Variants in LRP4 observed in about 807,000 individuals in gnomAD.
LRP4 encodes LDL receptor related protein 4, also known as low-density lipoprotein receptor-related protein 4.
A neutral mutation model predicts 220.3 loss-of-function variants in LRP4; 95 were observed. That is an observed-to-expected ratio of 0.43 (90% CI 0.37 to 0.51). LRP4 has a LOEUF of 0.51. Among genes scored for constraint, LRP4 ranks in the 20% least tolerant of loss-of-function variants. LRP4 has a pLI of 0.00. For synonymous variants in LRP4, 903 were observed against 954.6 expected (o/e 0.95, Z 1.00); for missense variants, 1,925 against 2,567.0 (o/e 0.75, Z 5.40).
intron 1 of LRP4, among the ~76,000 whole-genome samples, chr11:46,908,568 G>C (rs1337599935): frequency 6.6e-6 from 1 of 152,178 alleles, no homozygotes; most frequent in Non-Finnish European, 1.5e-5. Context: ...ACTGTTGTGA[G>C]AATCTCCAAA....
Position 46,877,000 on chromosome 11 carries a change from C to T in LRP4, c.3278-170G>A, listed in dbSNP as rs780904871. On this transcript the variant is annotated intron_variant, in intron 23 of 37. Transcript: ENST00000378623. ...ATAGCAGGATAGCTCTTGGCAGAGA[C>T]GGAGAGAAGAGGGCCCCAAACCATG... Among the ~76,000 whole-genome samples, 6 of 152,166 alleles carry T rather than the reference C, an allele frequency of 3.9e-5. No individual in the cohort carries two copies. The South Asian group carries it at 1.2e-3, about 32-fold the overall frequency.
At chr11:46,866,678 G>T (rs1184514826) in intron 34 of LRP4, among the ~76,000 whole-genome samples, 2 of 152,140 alleles carry the variant, frequency 1.3e-5, no homozygotes, top group Non-Finnish European at 2.9e-5. Context: ...CAGCACTTTG[G>T]GATGCCTAGG....
Position 46,886,432 on chromosome 11 carries a change from G to T in LRP4, c.2317C>A (p.Arg773Ser). The T allele has an allele frequency of 6.2e-7, 1 of 1,613,898 alleles. No individual in the cohort carries two copies. The highest frequency in any genetic ancestry group is 8.5e-7 in the Non-Finnish European group (1 of 1,179,908). Residue 773 changes from arginine to serine, a missense_variant, in exon 17 of 38, where the codon CGC becomes AGC. Coordinates refer to ENST00000378623, the MANE Select transcript of LRP4 (RefSeq NM_002334.4). ...SDDVIPLADV[R>S]SAVALDWDSR... ...TCCCAGTCAAGGGCCACAGCACTGC[G>T]CACGTCAGCCAGTGGGATGACATCA...
rs1260653565 is a variant in LRP4 at position 46,868,127 on chromosome 11, G to C, written c.4952-13C>G. 6.2e-7 allele frequency: 1 copy of C among 1,613,980 alleles called. No individual in the cohort carries two copies. The highest frequency in any genetic ancestry group is 8.5e-7 in the Non-Finnish European group (1 of 1,180,004). On this transcript the variant is annotated splice_polypyrimidine_tract_variant and intron_variant, in intron 33 of 37. Coordinates refer to ENST00000378623, the MANE Select transcript of LRP4 (RefSeq NM_002334.4). The stretch of plus-strand genomic sequence containing the variant: ...ACCAGGCCAGGCACTAGACAAAAAA[G>C]AGGATTGGAGTGGGCCACTGGAACC...
chr11:46,887,401 G>T (rs1250883768), intron 16 of LRP4, among the ~76,000 whole-genome samples: 2 of 152,166 alleles, frequency 1.3e-5, no homozygotes, highest in Non-Finnish European at 2.9e-5. Flanking sequence ...GGACACAAAA[G>T]AATGCAAGAG....
chr11:46,890,449 G>A lies in LRP4; in HGVS notation c.1743C>T (p.Ala581=). 1 of 1,614,150 alleles carries A rather than the reference G, an allele frequency of 6.2e-7. No homozygotes were observed. Among genetic ancestry groups the A allele is most frequent in the East Asian group, 2.2e-5 (1 of 44,884 alleles). ...GGCGTCCAGAGCCATCCATGCTGGA[G>A]GCCTCAATACGGGGGGTGTTGCCCC... The part of the protein sequence containing the change: ...TDWGNTPRIE[A]SSMDGSGRRI... Residue 581 remains alanine, a synonymous_variant, in exon 14 of 38, where the codon GCC becomes GCT. Transcript: ENST00000378623. This position sits in a 1 kb window ranked among gnomAD's most constrained non-coding sequence, Gnocchi z 5.3.
intron 34 of LRP4, 101 bp downstream of exon 34, chr11:46,867,878 T>A: frequency 7.1e-7 from 1 of 1,415,560 alleles, no homozygotes; most frequent in South Asian, 1.2e-5. Context: ...GCTCCTGACA[T>A]AATCTATCTC....
intron 1 of LRP4, among the ~76,000 whole-genome samples, chr11:46,914,212 G>A (rs1184980068): frequency 6.6e-6 from 1 of 151,988 alleles, no homozygotes; most frequent in Non-Finnish European, 1.5e-5. Flanking sequence ...TACCCTACCC[G>A]CCTTTGCAGG....
chr11:46,911,469 C>T (rs1941857081), intron 1 of LRP4, among the ~76,000 whole-genome samples: 1 of 151,856 alleles, frequency 6.6e-6, no homozygotes, highest in Admixed American at 6.6e-5. Flanking sequence ...CAACAAACCA[C>T]ATTTTTCTGG....
intron 1 of LRP4, among the ~76,000 whole-genome samples, chr11:46,903,218 G>A (rs1406362353): frequency 6.6e-6 from 1 of 152,228 alleles, no homozygotes; most frequent in Non-Finnish European, 1.5e-5. Context: ...ACCTAGGCTA[G>A]GCACAGTGGC....
At chr11:46,901,422 A>C (rs1357132479) in intron 2 of LRP4, among the ~76,000 whole-genome samples, 2 of 152,216 alleles carry the variant, frequency 1.3e-5, no homozygotes, top group African/African-American at 2.4e-5. Context: ...TGGCTGTACA[A>C]TGGGGATAAT....
At chr11:46,868,167 A>G in intron 33 of LRP4, 53 bp from the exon 34 acceptor site, 3 of 1,610,150 alleles carry the variant, frequency 1.9e-6, no homozygotes, top group South Asian at 1.1e-5. Flanking sequence ...ACATCTACAT[A>G]TGGCCCAAGA....
At chr11:46,904,336 G>C (rs891655255) in intron 1 of LRP4, among the ~76,000 whole-genome samples, 1 of 152,084 alleles carries the variant, frequency 6.6e-6, no homozygotes, top group Non-Finnish European at 1.5e-5. Context: ...ATAATTCCTT[G>C]GCCTAGCCTA....
chr11:46,876,594 C>T lies in LRP4; in HGVS notation c.3408G>A (p.Arg1136=). Residue 1136 remains arginine (R), a synonymous_variant, in exon 25 of 38, where the codon CGG becomes CGA. Transcript: ENST00000378623. ...TDGLAVDAIG[R]KVYWTDTGTN... ...TTCCCGTGTCTGTCCAGTATACTTT[C>T]CGGCCAATGGCATCAACCGCGAGCC... is the stretch of plus-strand genomic sequence containing the variant. 6.2e-7 allele frequency: 1 copy of T among 1,614,200 alleles called. No homozygotes were observed. Among genetic ancestry groups the T allele is most frequent in the East Asian group, 2.2e-5 (1 of 44,892 alleles).
chr11:46,888,642 G>C (rs1166788991), intron 16 of LRP4, among the ~76,000 whole-genome samples: 1 of 145,424 alleles, frequency 6.9e-6, no homozygotes, highest in African/African-American at 2.5e-5. Flanking sequence ...TGAAACTTTT[G>C]AATGTTTTCC....
At chr11:46,905,619 G>A (rs1941746989) in intron 1 of LRP4, among the ~76,000 whole-genome samples, 1 of 152,144 alleles carries the variant, frequency 6.6e-6, no homozygotes, top group South Asian at 2.1e-4. Flanking sequence ...GGGAGGCCCA[G>A]GTGGGCGGAT....
Position 46,899,537 on chromosome 11 carries a change from G to A in LRP4, c.431-34C>T, listed in dbSNP as rs764051985. On this transcript the variant is annotated intron_variant, in intron 4 of 37. Coordinates refer to ENST00000378623, the MANE Select transcript of LRP4 (RefSeq NM_002334.4). This position sits in a 1 kb window ranked among gnomAD's most constrained non-coding sequence, Gnocchi z 5.9. ...ATGCGATGGGACAGCAGTTCTGAGG[G>A]GGCCCCACAGGCAACCCTCTCACCC... 2 of 1,454,628 alleles carry A rather than the reference G, an allele frequency of 1.4e-6. No individual in the cohort carries two copies. The highest frequency in any genetic ancestry group is 2.8e-5 in the African/African-American group (2 of 71,914). 90.1% of individuals were successfully genotyped at this position (1,454,628 alleles called of 1,614,324 possible).
chr11:46,869,248 C>G, intron 31 of LRP4, 116 bp from the exon 32 acceptor site: 5 of 953,794 alleles, frequency 5.2e-6, no homozygotes, highest in Non-Finnish European at 4.9e-6. Flanking sequence ...CCCTCTTCAT[C>G]TCTTCCTCAT....
At position 46,896,894 on chromosome 11, in the gene LRP4, G is replaced by A. The variant is rs776433442; in HGVS notation, c.897C>T (p.Ser299=). The change falls in exon 8 of 38, where the codon AGC becomes AGT. Residue 299 remains serine (S), a synonymous_variant. Transcript: ENST00000378623. ...CDGEDDCADN[S]DEENCENTGS... ...CTGTATTCTCACAGTTCTCTTCATC[G>A]CTGTTGTCTGCACAGTCGTCCTCCC... 19 of 1,614,092 alleles carry A rather than the reference G, an allele frequency of 1.2e-5. No homozygotes were observed. Among genetic ancestry groups the A allele is most frequent in the Middle Eastern group, 1.6e-4 (1 of 6,084 alleles).
Sources: allele counts gnomAD v4.1 joint callset (sites outside exome capture counted in the v4.1 genomes callset), GRCh38; gene constraint gnomAD v4.1.1; non-coding constraint Gnocchi (gnomAD v3.1); transcripts MANE v1.5; gene names NCBI Gene and HGNC (gene_info 2026-07-23, HGNC 2026-07-21).